Variants in SLC13A3 observed in about 807,000 individuals in gnomAD.
SLC13A3 encodes the protein solute carrier family 13 member 3, also known as Na(+)/dicarboxylate cotransporter 3.
SLC13A3 carries 40 observed loss-of-function variants against 59.0 expected under a neutral mutation model. The observed-to-expected ratio is 0.68, with a 90% CI of 0.53 to 0.88. The LOEUF (loss-of-function observed/expected upper bound fraction) is 0.88. Among genes scored for constraint, SLC13A3 ranks in the 40% least tolerant of loss-of-function variants. The pLI is 0.00. For synonymous variants in SLC13A3, 317 were observed against 330.3 expected, an observed-to-expected ratio of 0.96 and a Z score of 0.44; for missense variants, 699 against 783.2, an observed-to-expected ratio of 0.89 and a Z score of 1.28.
chr20:46,578,030 T>C (rs1307428623), intron 9 of SLC13A3, among the ~76,000 whole-genome samples: 1 of 152,110 alleles, frequency 6.6e-6, no homozygotes, highest in Admixed American at 6.5e-5. Flanking sequence ...AGATGGAGTC[T>C]CGTCTCTGTC....
intron 1 of SLC13A3, among the ~76,000 whole-genome samples, chr20:46,667,206 G>C (rs1454744431): frequency 6.6e-6 from 1 of 152,170 alleles, no homozygotes; most frequent in Non-Finnish European, 1.5e-5. Context: ...ACAGTGTATG[G>C]AGGGACAAAG....
intron 1 of SLC13A3, among the ~76,000 whole-genome samples, chr20:46,669,070 T>C (rs772264999): frequency 6.6e-6 from 1 of 152,152 alleles, no homozygotes; most frequent in Admixed American, 6.5e-5. Flanking sequence ...TTGTCCCAGG[T>C]CACACAGCTG....
intron 10 of SLC13A3, among the ~76,000 whole-genome samples, chr20:46,573,090 C>T (rs1404637696): frequency 6.6e-6 from 1 of 152,206 alleles, no homozygotes; most frequent in Non-Finnish European, 1.5e-5. Context: ...AGTACTTTTG[C>T]TCATCTATTC....
At chr20:46,598,562 T>C (rs1639786416) in intron 4 of SLC13A3, among the ~76,000 whole-genome samples, 1 of 152,156 alleles carries the variant, frequency 6.6e-6, no homozygotes, top group African/African-American at 2.4e-5. Flanking sequence ...GTTTAAAGCA[T>C]ATTTCCAGGC....
intron 1 of SLC13A3, among the ~76,000 whole-genome samples, chr20:46,631,491 C>A (rs1290794575): frequency 1.3e-5 from 2 of 152,176 alleles, no homozygotes; most frequent in African/African-American, 4.8e-5. Context: ...CTTTATCATG[C>A]AGCAGGAGTT....
chr20:46,651,444 GGGCC>G lies in SLC13A3; in HGVS notation c.-27_-24del. The stretch of plus-strand genomic sequence containing the variant: ...CATCAGCGCGATCGCCTGGCGGTAC[GGGCC>G]GGCCCGGGACTGCCCCGCCTGGCCC... On this transcript the variant is annotated 5_prime_UTR_variant, in exon 1 of 13. Transcript: ENST00000279027. 1 of 1,457,342 alleles carries G rather than the reference GGGCC, an allele frequency of 6.9e-7. No homozygotes were observed. The highest frequency in any genetic ancestry group is 1.4e-5 in the South Asian group (1 of 71,506). 90.3% of individuals were successfully genotyped at this position (1,457,342 alleles called of 1,614,324 possible).
intron 5 of SLC13A3, 113 bp from the exon 6 acceptor site, chr20:46,592,642 C>A: frequency 1.9e-6 from 2 of 1,069,974 alleles, no homozygotes; most frequent in Non-Finnish European, 2.8e-6. Context: ...GAGAGGGTCC[C>A]ATGGAAGTCT....
chr20:46,649,705 C>T (rs1269187950), intron 1 of SLC13A3, among the ~76,000 whole-genome samples: 2 of 152,204 alleles, frequency 1.3e-5, no homozygotes, highest in Non-Finnish European at 2.9e-5. Context: ...GAGATTGGTC[C>T]AAGATCTTAA....
intron 1 of SLC13A3, among the ~76,000 whole-genome samples, chr20:46,669,272 T>C (rs2122928249): frequency 2.0e-5 from 3 of 146,824 alleles, no homozygotes; most frequent in South Asian, 2.2e-4. Flanking sequence ...TCCACCCCCC[T>C]CGTGGACCCC....
chr20:46,581,869 G>A (rs964206924), intron 9 of SLC13A3, among the ~76,000 whole-genome samples: 6 of 152,188 alleles, frequency 3.9e-5, no homozygotes, highest in Non-Finnish European at 7.3e-5. Flanking sequence ...CCATTTGGAA[G>A]ACTGACTGGA....
At chr20:46,600,932 C>T (rs2062374229) in intron 3 of SLC13A3, among the ~76,000 whole-genome samples, 1 of 152,184 alleles carries the variant, frequency 6.6e-6, no homozygotes, top group Non-Finnish European at 1.5e-5. Flanking sequence ...ACACTGTGTG[C>T]TGATGGCCTC....
chr20:46,624,918 AG>A (rs2062652832), intron 1 of SLC13A3, among the ~76,000 whole-genome samples: 1 of 152,082 alleles, frequency 6.6e-6, no homozygotes, highest in African/African-American at 2.4e-5. Flanking sequence ...CAGGAACTAG[AG>A]GGGGAGCAGC....
At chr20:46,666,344 G>A (rs1178295757) in intron 1 of SLC13A3, among the ~76,000 whole-genome samples, 1 of 152,158 alleles carries the variant, frequency 6.6e-6, no homozygotes, top group African/African-American at 2.4e-5. Context: ...GACAGAAAAG[G>A]GTTTGGAGTC....
intron 1 of SLC13A3, among the ~76,000 whole-genome samples, chr20:46,679,867 T>C (rs2063145730): frequency 1.3e-5 from 2 of 149,050 alleles, no homozygotes; most frequent in Admixed American, 1.3e-4. Flanking sequence ...GAAATCACAC[T>C]ACTACACTCC....
At chr20:46,612,729 G>T (rs907900816) in intron 2 of SLC13A3, among the ~76,000 whole-genome samples, 1 of 151,966 alleles carries the variant, frequency 6.6e-6, no homozygotes, top group African/African-American at 2.4e-5. Context: ...TTGCCAAAAG[G>T]GTTTATGGAA....
chr20:46,618,112 C>T (rs1217828902), intron 1 of SLC13A3, among the ~76,000 whole-genome samples: 1 of 152,164 alleles, frequency 6.6e-6, no homozygotes, highest in Non-Finnish European at 1.5e-5. Flanking sequence ...CATCTTAGGT[C>T]TATTATGAGA....
chr20:46,568,932 C>T (rs1314956748), intron 10 of SLC13A3, among the ~76,000 whole-genome samples: 4 of 152,156 alleles, frequency 2.6e-5, no homozygotes, highest in African/African-American at 4.8e-5. Context: ...ACGCCTGTTG[C>T]GTAGGGTTCT....
chr20:46,591,934 G>A (rs967689843), intron 6 of SLC13A3, among the ~76,000 whole-genome samples: 1 of 152,044 alleles, frequency 6.6e-6, no homozygotes, highest in Non-Finnish European at 1.5e-5. Context: ...TGGCTAGCAC[G>A]GTGGCTCACA....
intron 1 of SLC13A3, among the ~76,000 whole-genome samples, chr20:46,648,532 A>G (rs1341636495): frequency 1.3e-5 from 2 of 152,128 alleles, no homozygotes; most frequent in Non-Finnish European, 2.9e-5. Context: ...ATCTAGAGCC[A>G]TATAAAGGGT....
Sources: allele counts gnomAD v4.1 joint callset (sites outside exome capture counted in the v4.1 genomes callset), GRCh38; gene constraint gnomAD v4.1.1; transcripts MANE v1.5; gene names NCBI Gene and HGNC (gene_info 2026-07-23, HGNC 2026-07-21).